SLC4A10: variants seen among roughly 807,000 people sequenced by gnomAD.
The protein encoded by SLC4A10 is sodium-driven chloride bicarbonate exchanger.
Under a neutral mutation model 137.7 loss-of-function variants are expected in SLC4A10, and 42 were observed. That is an observed-to-expected ratio of 0.30 (90% CI 0.24 to 0.39). The LOEUF (loss-of-function observed/expected upper bound fraction) is 0.39, where lower values mean the gene tolerates loss of function less well. Ranked by LOEUF, SLC4A10 falls within the 10% of genes least tolerant of loss-of-function variation. SLC4A10 has a pLI of 1.00. For synonymous variants in SLC4A10, 474 were observed against 464.1 expected (o/e 1.02, Z -0.27); for missense variants, 925 against 1,355.0 (o/e 0.68, Z 4.98).
At position 161,974,235 on chromosome 2, in the gene SLC4A10, A is replaced by G. The variant is rs754131004; in HGVS notation, c.3160-14A>G. 1.3e-6 allele frequency: 2 copies of G among 1,591,816 alleles called. No homozygotes were observed. The highest frequency in any genetic ancestry group is 2.3e-5 in the South Asian group (2 of 86,576). The stretch of plus-strand genomic sequence containing the variant: ...ATCAGGTTCACTTTATATACTTTAC[A>G]TTTGTCTTTTCAGGAAGAACAAAGT... On this transcript the variant is annotated splice_polypyrimidine_tract_variant and intron_variant, in intron 23 of 26. Coordinates refer to ENST00000446997, the MANE Select transcript of SLC4A10 (RefSeq NM_001178015.2).
intron 24 of SLC4A10, among the ~76,000 whole-genome samples, chr2:161,975,895 G>A (rs1699316734): frequency 6.6e-6 from 1 of 152,190 alleles, no homozygotes; most frequent in Non-Finnish European, 1.5e-5. Flanking sequence ...CAGGGATGCA[G>A]TGGCAGGAGG....
intron 1 of SLC4A10, among the ~76,000 whole-genome samples, chr2:161,723,085 G>A (rs181094347): frequency 3.2e-4 from 48 of 152,228 alleles, no homozygotes; most frequent in East Asian, 1.4e-3. Flanking sequence ...CCCTCAGTTC[G>A]TCTTAGGCAC....
chr2:161,674,412 T>C (rs2040065380), intron 1 of SLC4A10, among the ~76,000 whole-genome samples: 1 of 152,242 alleles, frequency 6.6e-6, no homozygotes, highest in African/African-American at 2.4e-5. Context: ...ATGACTAATG[T>C]ATTATAGCAG....
chr2:161,937,923 C>G (rs548784837), intron 15 of SLC4A10, among the ~76,000 whole-genome samples: 1 of 151,942 alleles, frequency 6.6e-6, no homozygotes, highest in Non-Finnish European at 1.5e-5. Flanking sequence ...TTCTCCATAC[C>G]CCACCCAAAT....
intron 26 of SLC4A10, 45 bp from the exon 27 acceptor site, chr2:161,983,134 A>G: frequency 1.3e-6 from 2 of 1,515,550 alleles, no homozygotes; most frequent in East Asian, 4.9e-5. Context: ...CATAGTAGCC[A>G]TGCTGGATTG....
intron 15 of SLC4A10, among the ~76,000 whole-genome samples, chr2:161,916,758 C>T (rs1382143957): frequency 6.6e-6 from 1 of 152,124 alleles, no homozygotes; most frequent in Non-Finnish European, 1.5e-5. Flanking sequence ...TATTTTTTGG[C>T]TTGGAATGTT....
intron 3 of SLC4A10, among the ~76,000 whole-genome samples, chr2:161,818,467 A>T (rs1461423162): frequency 1.3e-5 from 2 of 152,096 alleles, no homozygotes; most frequent in Non-Finnish European, 2.9e-5. Context: ...AATGCCCTTT[A>T]TTTCCTTCTC....
At chr2:161,690,169 A>G (rs1371481832) in intron 1 of SLC4A10, among the ~76,000 whole-genome samples, 3 of 152,216 alleles carry the variant, frequency 2.0e-5, no homozygotes, top group Middle Eastern at 3.2e-3. Context: ...GAAGACATTT[A>G]TGTGGCCAAT....
intron 1 of SLC4A10, among the ~76,000 whole-genome samples, chr2:161,750,823 T>C (rs1248103343): frequency 6.6e-6 from 1 of 151,814 alleles, no homozygotes; most frequent in East Asian, 1.9e-4. Context: ...TGAAGTTCCA[T>C]ACTATTATTT....
chr2:161,763,852 C>T (rs1385773055), intron 1 of SLC4A10, among the ~76,000 whole-genome samples: 9 of 151,930 alleles, frequency 5.9e-5, no homozygotes, highest in African/African-American at 2.2e-4. Flanking sequence ...ATCATACTGT[C>T]GTAATAGCTA....
At chr2:161,642,830 T>G (rs2035502328) in intron 1 of SLC4A10, among the ~76,000 whole-genome samples, 1 of 152,008 alleles carries the variant, frequency 6.6e-6, no homozygotes, top group Non-Finnish European at 1.5e-5. Context: ...TAAGACTTAG[T>G]TAAAATTCCC....
chr2:161,749,842 A>G (rs1473150732), intron 1 of SLC4A10, among the ~76,000 whole-genome samples: 2 of 151,836 alleles, frequency 1.3e-5, no homozygotes, highest in African/African-American at 4.8e-5. Context: ...AAGGGTATAT[A>G]CTAGTTTTTT....
chr2:161,782,796 G>A (rs2053193860), intron 2 of SLC4A10, among the ~76,000 whole-genome samples: 1 of 147,792 alleles, frequency 6.8e-6, no homozygotes, highest in Admixed American at 6.9e-5. Context: ...TGCTGAGTCA[G>A]AGAAACAAAA....
intron 18 of SLC4A10, among the ~76,000 whole-genome samples, chr2:161,950,282 A>C (rs1286991891): frequency 1.3e-5 from 2 of 152,060 alleles, no homozygotes; most frequent in Non-Finnish European, 2.9e-5. Flanking sequence ...GCTATTTGTA[A>C]ATTTCAATAC....
chr2:161,646,714 G>T (rs1338150516), intron 1 of SLC4A10, among the ~76,000 whole-genome samples: 3 of 151,892 alleles, frequency 2.0e-5, no homozygotes, highest in Non-Finnish European at 4.4e-5. Flanking sequence ...AATACTCTAA[G>T]ATTATAACTA....
intron 6 of SLC4A10, among the ~76,000 whole-genome samples, chr2:161,866,575 T>TA (rs2060763500): frequency 6.6e-6 from 1 of 151,968 alleles, no homozygotes; most frequent in Non-Finnish European, 1.5e-5. Context: ...AAGTGACAGT[T>TA]ACATTTGGCA....
intron 1 of SLC4A10, among the ~76,000 whole-genome samples, chr2:161,664,177 T>C (rs1055823116): frequency 3.3e-5 from 5 of 151,978 alleles, no homozygotes; most frequent in African/African-American, 1.2e-4. Flanking sequence ...TGCATTGTGG[T>C]ACTGTTTTCT....
At chr2:161,730,311 CT>C (rs914775833) in intron 1 of SLC4A10, among the ~76,000 whole-genome samples, 2 of 152,050 alleles carry the variant, frequency 1.3e-5, no homozygotes, top group Admixed American at 1.3e-4. Flanking sequence ...AGTTATACAG[CT>C]TCAGAATGGG....
At chr2:161,919,039 C>A (rs1240425631) in intron 15 of SLC4A10, among the ~76,000 whole-genome samples, 2 of 152,182 alleles carry the variant, frequency 1.3e-5, no homozygotes, top group African/African-American at 4.8e-5. Context: ...GCCTCTCCTC[C>A]CTCTGGGTGC....
Sources: gnomAD v4.1 joint callset for allele counts (sites outside exome capture counted in the v4.1 genomes callset) on GRCh38, gnomAD v4.1.1 for gene constraint, MANE v1.5 for transcripts, NCBI Gene and HGNC (gene_info 2026-07-23, HGNC 2026-07-21) for gene names.